BMPER: variants seen among roughly 807,000 people sequenced by gnomAD.
The protein encoded by BMPER is BMP-binding endothelial regulator protein.
A neutral mutation model predicts 87.3 loss-of-function variants in BMPER; 45 were observed. The ratio of observed to expected loss-of-function variants is 0.52; its 90% confidence interval spans 0.41 to 0.66. The LOEUF (loss-of-function observed/expected upper bound fraction) is 0.66, where lower values mean the gene tolerates loss of function less well. Among genes scored for constraint, BMPER ranks in the 30% least tolerant of loss-of-function variants. The pLI, the probability that BMPER is intolerant of heterozygous loss-of-function variation, is 0.00. For synonymous variants in BMPER, 326 were observed against 316.2 expected, an observed-to-expected ratio of 1.03 and a Z score of -0.33; for missense variants, 784 against 867.5, an observed-to-expected ratio of 0.90 and a Z score of 1.21.
At chr7:33,929,869 C>T (rs944530608) in intron 2 of BMPER, among the ~76,000 whole-genome samples, 1 of 152,216 alleles carries the variant, frequency 6.6e-6, no homozygotes, top group Admixed American at 6.5e-5. Context: ...TGTTATTATT[C>T]TTAATAGTTC....
At chr7:34,066,320 A>G (rs1788590483) in intron 11 of BMPER, among the ~76,000 whole-genome samples, 1 of 152,246 alleles carries the variant, frequency 6.6e-6, no homozygotes. Flanking sequence ...TTCTCTCAAA[A>G]TAGGAGAACA....
intron 6 of BMPER, among the ~76,000 whole-genome samples, chr7:34,037,831 G>A (rs77011971): frequency 6.6e-6 from 1 of 152,180 alleles, no homozygotes; most frequent in Admixed American, 6.5e-5. Context: ...AACTAGACAT[G>A]GGTGCAGGAA....
chr7:34,092,523 C>T (rs1789415351), intron 13 of BMPER, among the ~76,000 whole-genome samples: 2 of 152,350 alleles, frequency 1.3e-5, no homozygotes, highest in South Asian at 2.1e-4. Context: ...CTTGGCGTCA[C>T]TCAGCAATTT....
At chr7:33,925,111 G>A (rs929478386) in intron 2 of BMPER, among the ~76,000 whole-genome samples, 6 of 152,162 alleles carry the variant, frequency 3.9e-5, no homozygotes, top group African/African-American at 1.4e-4. Flanking sequence ...TAGAACGTCA[G>A]CCCTGTGAGG....
In BMPER at chr7:34,079,010, G is replaced by T. The variant is rs139762183; in HGVS notation, c.1232G>T (p.Arg411Leu). 1 of 1,614,194 alleles carries T rather than the reference G, an allele frequency of 6.2e-7. No individual in the cohort carries two copies. Among genetic ancestry groups the T allele is most frequent in the African/African-American group, 1.3e-5 (1 of 75,048 alleles). The change falls in exon 12 of 15, where the codon CGG becomes CTG. Residue 411 changes from arginine to leucine, a missense_variant. Transcript: ENST00000649409. The stretch of plus-strand genomic sequence containing the variant: ...GTGCTGGTGAAGAACGACGCCCGCC[G>T]GACACGCTCCTTCTCGTGGACCAAG... Reference protein sequence around the residue: ...FQVLVKNDARRTRSFSWTKSV... With the variant: ...FQVLVKNDARLTRSFSWTKSV...
chr7:33,905,890 A>G, intron 1 of BMPER, 144 bp downstream of exon 1: 1 of 1,202,622 alleles, frequency 8.3e-7, no homozygotes, highest in South Asian at 1.5e-5. Context: ...GGATGAAGCG[A>G]AGCCCCGGGA....
At chr7:33,995,229 T>G (rs1279743295) in intron 6 of BMPER, among the ~76,000 whole-genome samples, 2 of 152,106 alleles carry the variant, frequency 1.3e-5, no homozygotes, top group African/African-American at 2.4e-5. Context: ...TAATAAAGTT[T>G]CTCTAAAATA....
At chr7:34,145,768 A>G (rs1292521829) in intron 14 of BMPER, among the ~76,000 whole-genome samples, 1 of 152,220 alleles carries the variant, frequency 6.6e-6, no homozygotes, top group Non-Finnish European at 1.5e-5. Flanking sequence ...TACAGGATAT[A>G]TGATCCTTCT....
intron 13 of BMPER, among the ~76,000 whole-genome samples, chr7:34,096,489 A>G (rs1199022541): frequency 1.3e-5 from 2 of 152,218 alleles, no homozygotes; most frequent in African/African-American, 4.8e-5. Context: ...TGATGGGGGC[A>G]TGTGCAAATA....
At position 34,129,588 on chromosome 7, in the gene BMPER, GAGAGAGAGAGAGAGAGAGAGAA is replaced by G. The variant is rs200044510; in HGVS notation, c.1746-13626_1746-13605del. Among the ~76,000 whole-genome samples, 428 of 123,920 alleles carry G rather than the reference GAGAGAGAGAGAGAGAGAGAGAA, an allele frequency of 3.5e-3. 30 individuals are homozygous for G. Among genetic ancestry groups the G allele is most frequent in the African/African-American group, 6.6e-3 (201 of 30,558 alleles). 81.3% of individuals were successfully genotyped at this position (123,920 alleles called of 152,430 possible). A position where few individuals can be genotyped will look rare whatever the true frequency, so the allele number is the denominator to read the frequency against. On this transcript the variant is annotated intron_variant, in intron 13 of 14. Coordinates refer to ENST00000649409, the MANE Select transcript of BMPER (RefSeq NM_001365308.1). ...AAGGAAGGAAGGAAGGAGAGAGAGA[GAGAGAGAGAGAGAGAGAGAGAA>G]AGAGAGAGAGAGAGAAAGAGAGAAA...
intron 2 of BMPER, among the ~76,000 whole-genome samples, chr7:33,920,265 C>T (rs1437215829): frequency 6.6e-6 from 1 of 152,042 alleles, no homozygotes; most frequent in Admixed American, 6.6e-5. Context: ...CTTCTGTTCT[C>T]CCACCAGGGG....
Position 34,078,969 on chromosome 7 carries a change from T to C in BMPER, c.1191T>C (p.Pro397=). 1 of 1,614,152 alleles carries C rather than the reference T, an allele frequency of 6.2e-7. No homozygotes were observed. Among genetic ancestry groups the C allele is most frequent in the Non-Finnish European group, 8.5e-7 (1 of 1,180,030 alleles). ...TTTTGACAAAAGACTGCTCCTCCCC[T>C]GCCTCGCCCTTCCAGGTGCTGGTGA... ...QYVLTKDCSS[P]ASPFQVLVKN... is the part of the protein sequence containing the mutation. The change falls in exon 12 of 15, where the codon CCT becomes CCC. Residue 397 remains proline (P), a synonymous_variant. Coordinates refer to ENST00000649409, the MANE Select transcript of BMPER (RefSeq NM_001365308.1).
intron 6 of BMPER, among the ~76,000 whole-genome samples, chr7:34,033,380 A>G (rs1219386583): frequency 1.3e-5 from 2 of 152,188 alleles, no homozygotes; most frequent in Non-Finnish European, 2.9e-5. Context: ...ATTTGTTTAT[A>G]TCAGTTCTCT....
At chr7:33,977,841 C>T (rs1343467477) in intron 6 of BMPER, among the ~76,000 whole-genome samples, 1 of 152,104 alleles carries the variant, frequency 6.6e-6, no homozygotes, top group Non-Finnish European at 1.5e-5. Flanking sequence ...TACTTCTCAA[C>T]ACATTTCTAA....
chr7:33,976,627 T>C (rs1416889422), intron 6 of BMPER, among the ~76,000 whole-genome samples: 2 of 152,132 alleles, frequency 1.3e-5, no homozygotes, highest in East Asian at 1.9e-4. Flanking sequence ...CATATTTCAA[T>C]AGGAAATTAT....
chr7:34,055,345 C>G, intron 9 of BMPER, 42 bp downstream of exon 9: 1 of 1,612,138 alleles, frequency 6.2e-7, no homozygotes, highest in South Asian at 1.1e-5. Flanking sequence ...TGTATTACTA[C>G]GCTGACAATT....
At chr7:33,913,039 A>G (rs1019042539) in intron 2 of BMPER, among the ~76,000 whole-genome samples, 2 of 152,200 alleles carry the variant, frequency 1.3e-5, no homozygotes, top group African/African-American at 4.8e-5. Context: ...AATGGGGGAG[A>G]CGAACACATA....
chr7:33,985,723 A>G (rs1269692459), intron 6 of BMPER, among the ~76,000 whole-genome samples: 1 of 147,554 alleles, frequency 6.8e-6, no homozygotes, highest in Non-Finnish European at 1.5e-5. Flanking sequence ...TTTATCAGCC[A>G]TTTGTGTTTT....
At chr7:34,146,161 A>T (rs945437543) in intron 14 of BMPER, among the ~76,000 whole-genome samples, 5 of 152,184 alleles carry the variant, frequency 3.3e-5, no homozygotes. Context: ...TTCAGTTCAG[A>T]TTCATGTAGA....
Sources: allele counts gnomAD v4.1 joint callset (sites outside exome capture counted in the v4.1 genomes callset), GRCh38; gene constraint gnomAD v4.1.1; transcripts MANE v1.5; gene names NCBI Gene and HGNC (gene_info 2026-07-23, HGNC 2026-07-21).